Variants in MED6 observed in about 807,000 individuals in gnomAD.
MED6 encodes mediator of RNA polymerase II transcription subunit 6.
In MED6, 33 loss-of-function variants were observed where a neutral mutation model predicts 37.5. That is an observed-to-expected ratio of 0.88 (90% confidence interval 0.67 to 1.18). The LOEUF (loss-of-function observed/expected upper bound fraction) is 1.18. Among genes scored for constraint, MED6 ranks in the 50% most tolerant of loss-of-function variants. The pLI, the probability that MED6 is intolerant of heterozygous loss-of-function variation, is 0.00. For synonymous variants in MED6, 94 were observed against 93.6 expected, an observed-to-expected ratio of 1.00 and a Z score of -0.02; for missense variants, 235 against 290.6, an observed-to-expected ratio of 0.81 and a Z score of 1.39.
intron 3 of MED6, among the ~76,000 whole-genome samples, chr14:70,594,145 G>A (rs1316298487): frequency 1.3e-5 from 2 of 152,140 alleles, no homozygotes; most frequent in African/African-American, 4.8e-5. Context: ...CTTAATGAGG[G>A]TATCCAATTG....
intron 1 of MED6, among the ~76,000 whole-genome samples, chr14:70,599,648 A>G (rs545424362): frequency 4.1e-4 from 62 of 152,288 alleles, no homozygotes; most frequent in African/African-American, 1.5e-3. Flanking sequence ...CCTTTAACAC[A>G]CCAAACACAC....
At chr14:70,597,559 G>T in intron 2 of MED6, 59 bp downstream of exon 2, 6 of 1,348,172 alleles carry the variant, frequency 4.5e-6, no homozygotes, top group Non-Finnish European at 5.8e-6. Context: ...CAGTTTGAAA[G>T]AACTGTTCAT....
At position 70,597,776 on chromosome 14, in the gene MED6, G is replaced by T; in HGVS notation, c.24C>A (p.Asp8Glu). The part of the protein sequence containing the change: MAAVDIR[D>E]NLLGISWVDS... ...CAACCCAAGAAATTCCCAGCAGATTGTCTATGGGAAAGAAAACAAAATGAT... is the reference window on the plus strand; with the variant it reads ...CAACCCAAGAAATTCCCAGCAGATTTTCTATGGGAAAGAAAACAAAATGAT... The change falls in exon 2 of 8, where the codon GAC (aspartate) becomes GAA (glutamate). Residue 8 changes from aspartate to glutamate, a missense_variant and splice_region_variant. Asp to Glu is a conservative substitution (Grantham distance 45, BLOSUM62 2). Transcript: ENST00000256379. 1.3e-6 allele frequency: 2 copies of T among 1,540,666 alleles called. No individual in the cohort carries two copies. The highest frequency in any genetic ancestry group is 8.6e-7 in the Non-Finnish European group (1 of 1,156,654).
chr14:70,588,528 T>C (rs1351860555), intron 6 of MED6, among the ~76,000 whole-genome samples: 1 of 151,532 alleles, frequency 6.6e-6, no homozygotes, highest in African/African-American at 2.4e-5. Flanking sequence ...TACTAAAAAA[T>C]ACAAAAAATT....
At chr14:70,599,938 G>C (rs1025107101) in intron 1 of MED6, among the ~76,000 whole-genome samples, 3 of 151,872 alleles carry the variant, frequency 2.0e-5, no homozygotes, top group African/African-American at 7.3e-5. Flanking sequence ...TTAAAAAAAG[G>C]CATCTCAAAC....
At chr14:70,599,985 A>G (rs1885156961) in intron 1 of MED6, among the ~76,000 whole-genome samples, 1 of 152,058 alleles carries the variant, frequency 6.6e-6, no homozygotes, top group Non-Finnish European at 1.5e-5. Flanking sequence ...ATACACAAAA[A>G]CAACTCTACA....
intron 1 of MED6, 75 bp downstream of exon 1, chr14:70,600,541 C>G: frequency 6.4e-7 from 1 of 1,564,912 alleles, no homozygotes; most frequent in Non-Finnish European, 8.8e-7. Flanking sequence ...GAACCTAAAC[C>G]TTGAAACCGC....
At chr14:70,586,986 C>T (rs546194851) in intron 6 of MED6, among the ~76,000 whole-genome samples, 2 of 152,278 alleles carry the variant, frequency 1.3e-5, no homozygotes, top group East Asian at 1.9e-4. Context: ...CTAGACTGTA[C>T]AAACAATGCA....
At chr14:70,598,523 G>C (rs1031405065) in intron 1 of MED6, among the ~76,000 whole-genome samples, 1 of 152,072 alleles carries the variant, frequency 6.6e-6, no homozygotes, top group Non-Finnish European at 1.5e-5. Context: ...AGAGGACCTG[G>C]GGAAACGAAA....
chr14:70,593,511 G>A (rs1884947604), intron 3 of MED6, 133 bp from the exon 4 acceptor site: 1 of 654,868 alleles, frequency 1.5e-6, no homozygotes, highest in South Asian at 2.0e-5. Context: ...TGGTAAAGCT[G>A]TACTAGAAAA....
intron 3 of MED6, chr14:70,594,540 TC>T: frequency 5.2e-6 from 2 of 384,656 alleles, no homozygotes. Context: ...CTCACTCTCC[TC>T]CCCAGACAGC....
rs1366130222 is a variant in MED6, at chr14:70,583,262, TAAG to T, written c.*1548_*1550del. 1 of 152,198 alleles carries T rather than the reference TAAG, an allele frequency of 6.6e-6. No individual in the cohort carries two copies. Among genetic ancestry groups the T allele is most frequent in the Non-Finnish European group, 1.5e-5 (1 of 68,012 alleles). 9.4% of individuals were successfully genotyped at this position (152,198 alleles called of 1,614,324 possible). On this transcript the variant is annotated 3_prime_UTR_variant, in exon 8 of 8. Coordinates refer to ENST00000256379, the MANE Select transcript of MED6 (RefSeq NM_005466.4). ...CTGTTTGCCGGAAATTATGTCAAAA[TAAG>T]AAGTTGAAAGACAAAAATCTCACAC...
At chr14:70,599,945 A>G (rs1421186873) in intron 1 of MED6, among the ~76,000 whole-genome samples, 1 of 152,190 alleles carries the variant, frequency 6.6e-6, no homozygotes, top group South Asian at 2.1e-4. Flanking sequence ...AAGGCATCTC[A>G]AACATCTCCC....
rs1205785047 is a variant in MED6, at chr14:70,597,726, T to C, written c.74A>G (p.Asn25Ser). ...WVDSSWIPIL[N>S]SGSVLDYFSE... ...AAAGTAATCCAGGACACTACCACTG[T>C]TCAAAATAGGGATCCAAGAGCTGTC... The change falls in exon 2 of 8, where the codon AAC becomes AGC. Residue 25 changes from asparagine (N) to serine (S), a missense_variant. By Grantham distance (46) the Asn-to-Ser change is conservative (BLOSUM62 1). Coordinates refer to ENST00000256379, the MANE Select transcript of MED6 (RefSeq NM_005466.4). 7.1e-6 allele frequency: 11 copies of C among 1,559,432 alleles called. No individual in the cohort carries two copies. Among genetic ancestry groups the C allele is most frequent in the Non-Finnish European group, 9.5e-6 (11 of 1,163,140 alleles).
rs746378816 is a variant in MED6, at chr14:70,591,323, T to C, written c.525A>G (p.Gln175=). 5 of 1,610,234 alleles carry C rather than the reference T, an allele frequency of 3.1e-6. No homozygotes were observed. Among genetic ancestry groups the C allele is most frequent in the Admixed American group, 1.7e-5 (1 of 59,168 alleles). Residue 175 remains glutamine, a synonymous_variant, in exon 6 of 8, where the codon CAA becomes CAG. Coordinates refer to ENST00000256379, the MANE Select transcript of MED6 (RefSeq NM_005466.4). Reference sequence around the variant, plus strand: ...GGTCTAAAAGTAAAGCATCCACACGTTGTCTCTGAAAAATAGAGCTTGGTT... The same window carrying C: ...GGTCTAAAAGTAAAGCATCCACACGCTGTCTCTGAAAAATAGAGCTTGGTT... ...KEEPSSIFQR[Q]RVDALLLDLR...
chr14:70,600,073 CT>C (rs1250332046), intron 1 of MED6, among the ~76,000 whole-genome samples: 4 of 152,182 alleles, frequency 2.6e-5, no homozygotes, highest in African/African-American at 9.6e-5. Flanking sequence ...TATTTGAGTA[CT>C]TCTGCAGTTC....
intron 7 of MED6, 56 bp downstream of exon 7, chr14:70,585,699 AT>A (rs771009012): frequency 1.2e-5 from 18 of 1,473,444 alleles, no homozygotes; most frequent in Non-Finnish European, 1.7e-5. Context: ...CTTGTGATTG[AT>A]TTACAAGCTG....
chr14:70,596,517 A>G, intron 3 of MED6, 94 bp downstream of exon 3: 4 of 950,236 alleles, frequency 4.2e-6, no homozygotes, highest in Non-Finnish European at 6.4e-6. Context: ...AGACCCCCCA[A>G]ACAGAAACCA....
At chr14:70,600,591 GAC>G (rs775633032) in intron 1 of MED6, 23 bp downstream of exon 1, 3 of 1,613,042 alleles carry the variant, frequency 1.9e-6, no homozygotes, top group Non-Finnish European at 2.5e-6. Flanking sequence ...ACAATCAAGA[GAC>G]AAAATATAGC....
Sources: allele counts gnomAD v4.1 joint callset (sites outside exome capture counted in the v4.1 genomes callset), GRCh38; gene constraint gnomAD v4.1.1; transcripts MANE v1.5; gene names NCBI Gene and HGNC (gene_info 2026-07-23, HGNC 2026-07-21).